Variants in C1QTNF5 observed in about 807,000 individuals in gnomAD.
The protein encoded by C1QTNF5 is complement C1q tumor necrosis factor-related protein 5.
A neutral mutation model predicts 10.9 loss-of-function variants in C1QTNF5; 5 were observed. The observed-to-expected ratio is 0.46, with a 90% CI of 0.24 to 0.97. C1QTNF5 has a LOEUF of 0.97. Ranked by LOEUF, C1QTNF5 falls within the 50% of genes least tolerant of loss-of-function variation. The pLI, the probability that C1QTNF5 is intolerant of heterozygous loss-of-function variation, is 0.19. For missense variants in C1QTNF5, 281 were observed against 339.4 expected (o/e 0.83, Z 1.35); for synonymous variants, 161 against 156.5 (o/e 1.03, Z -0.22).
At chr11:119,344,705 A>G, upstream of C1QTNF5, 1 of 1,614,090 alleles carries the variant, frequency 6.2e-7, no homozygotes, top group Non-Finnish European at 8.5e-7. Context: ...ACACTGAGTC[A>G]GGTAGCAGGC....
upstream of C1QTNF5, chr11:119,345,901 G>GT (rs1565296049): frequency 6.2e-7 from 1 of 1,613,612 alleles, no homozygotes; most frequent in South Asian, 1.1e-5. Context: ...GCTATGGGAC[G>GT]CCCCAGATGG....
upstream of C1QTNF5, chr11:119,344,599 C>G (rs1241988236): frequency 1.2e-6 from 2 of 1,613,674 alleles, no homozygotes; most frequent in Admixed American, 3.3e-5. Flanking sequence ...AGATCAGACG[C>G]CTGAAGAGAG....
chr11:119,342,208 A>C (rs1294874618), upstream of C1QTNF5, among the ~76,000 whole-genome samples: 1 of 152,206 alleles, frequency 6.6e-6, no homozygotes, highest in Non-Finnish European at 1.5e-5. Context: ...TCATGCAGGC[A>C]CGTCTTTAAT....
chr11:119,339,797 G>A lies in C1QTNF5; in HGVS notation c.266C>T (p.Ala89Val). ...CTCCCCGGCAGGCCCGGTGGGCCCC[G>A]CGGGTCCCGCCTCTCCTCGCGGCCC... Reference protein sequence around the residue: ...DPGPRGEAGPAGPTGPAGECS... With the variant: ...DPGPRGEAGPVGPTGPAGECS... Residue 89 changes from alanine to valine, a missense_variant, in exon 3 of 3, where the codon GCG becomes GTG. Ala to Val is a moderately conservative substitution (Grantham distance 64, BLOSUM62 0). Coordinates refer to ENST00000528368, the MANE Select transcript of C1QTNF5 (RefSeq NM_001278431.2). The surrounding 1 kb of genome is among the most constrained non-coding windows in gnomAD (Gnocchi z 5.4). 6.6e-7 allele frequency: 1 copy of A among 1,508,040 alleles called. No homozygotes were observed. Among genetic ancestry groups the A allele is most frequent in the Non-Finnish European group, 8.8e-7 (1 of 1,132,434 alleles). The allele number at this position is 1,508,040 out of a possible 1,614,324, so 93.4% of individuals were successfully genotyped here.
At chr11:119,341,205 A>C (rs1354537411), upstream of C1QTNF5, 1 of 350,842 alleles carries the variant, frequency 2.9e-6, no homozygotes, top group Admixed American at 4.3e-5. Flanking sequence ...ATAGATGCTC[A>C]GTACATTTTT....
Sources: allele counts gnomAD v4.1 joint callset (sites outside exome capture counted in the v4.1 genomes callset), GRCh38; gene constraint gnomAD v4.1.1; non-coding constraint Gnocchi (gnomAD v3.1); transcripts MANE v1.5; gene names NCBI Gene and HGNC (gene_info 2026-07-23, HGNC 2026-07-21).